KCNU1: variants seen among roughly 807,000 people sequenced by gnomAD.
KCNU1 encodes potassium calcium-activated channel subfamily U member 1, also known as potassium channel subfamily U member 1.
In KCNU1, 93 loss-of-function variants were observed where a neutral mutation model predicts 126.8. The observed-to-expected ratio is 0.73, with a 90% CI of 0.62 to 0.87. KCNU1 has a LOEUF of 0.87. Ranked by LOEUF, KCNU1 falls within the 40% of genes least tolerant of loss-of-function variation. The pLI is 0.00. For missense variants in KCNU1, 1,330 were observed against 1,367.1 expected (o/e 0.97, Z 0.43); for synonymous variants, 523 against 494.2 (o/e 1.06, Z -0.77).
intron 10 of KCNU1, among the ~76,000 whole-genome samples, chr8:36,822,252 A>T (rs1206703811): frequency 6.6e-6 from 1 of 152,094 alleles, no homozygotes; most frequent in Non-Finnish European, 1.5e-5. Context: ...ATATGTATCA[A>T]ACATATATAC....
At chr8:36,885,650 G>T (rs918758298) in intron 19 of KCNU1, among the ~76,000 whole-genome samples, 7 of 152,012 alleles carry the variant, frequency 4.6e-5, no homozygotes, top group Non-Finnish European at 1.0e-4. Flanking sequence ...AAAATTAACT[G>T]GTCATGGTGG....
At chr8:36,809,160 G>T (rs963247378) in intron 7 of KCNU1, among the ~76,000 whole-genome samples, 1 of 152,156 alleles carries the variant, frequency 6.6e-6, no homozygotes, top group African/African-American at 2.4e-5. Flanking sequence ...ACTTATAAAT[G>T]CTGGAGACTT....
At chr8:36,833,762 A>G (rs1327527636) in intron 11 of KCNU1, 103 bp downstream of exon 11, 5 of 635,802 alleles carry the variant, frequency 7.9e-6, no homozygotes, top group Non-Finnish European at 1.4e-5. Context: ...CAGCTTCTTT[A>G]ATTGGTGGAA....
At chr8:36,840,630 A>G in intron 15 of KCNU1, 55 bp downstream of exon 15, 1 of 1,017,804 alleles carries the variant, frequency 9.8e-7, no homozygotes, top group South Asian at 1.3e-5. Context: ...TCTTTCAACA[A>G]CGTTCACTGA....
At chr8:36,797,145 G>C (rs1434708758) in intron 2 of KCNU1, among the ~76,000 whole-genome samples, 1 of 152,050 alleles carries the variant, frequency 6.6e-6, no homozygotes, top group Non-Finnish European at 1.5e-5. Context: ...AATCTTGAGT[G>C]AGTTAATTTT....
chr8:36,921,675 AAAAAAG>A (rs1193966571), intron 23 of KCNU1, among the ~76,000 whole-genome samples: 1 of 151,592 alleles, frequency 6.6e-6, no homozygotes, highest in African/African-American at 2.4e-5. Context: ...AAAAAAAAAA[AAAAAAG>A]AAGAGTCTAG....
intron 5 of KCNU1, 55 bp downstream of exon 5, chr8:36,806,435 C>A: frequency 1.1e-6 from 1 of 875,384 alleles, no homozygotes; most frequent in Non-Finnish European, 1.8e-6. Flanking sequence ...AAAAACTCAA[C>A]ATTCATTTGT....
intron 2 of KCNU1, among the ~76,000 whole-genome samples, chr8:36,790,132 T>C (rs1802853479): frequency 6.6e-6 from 1 of 152,172 alleles, no homozygotes; most frequent in South Asian, 2.1e-4. Context: ...AAAATGATGG[T>C]AGAAATTAGG....
chr8:36,868,690 G>T (rs2117354915), intron 19 of KCNU1, among the ~76,000 whole-genome samples: 1 of 152,202 alleles, frequency 6.6e-6, no homozygotes, highest in East Asian at 1.9e-4. Context: ...ATAAACAGCA[G>T]TTATGTTGTC....
chr8:36,903,849 G>A (rs1468617618), intron 19 of KCNU1, among the ~76,000 whole-genome samples: 1 of 152,146 alleles, frequency 6.6e-6, no homozygotes, highest in East Asian at 1.9e-4. Flanking sequence ...GCAGGAAGGA[G>A]AAGTGCAAAG....
At chr8:36,785,036 C>T (rs549975317) in intron 1 of KCNU1, among the ~76,000 whole-genome samples, 9 of 152,168 alleles carry the variant, frequency 5.9e-5, no homozygotes, top group East Asian at 3.8e-4. Flanking sequence ...TATGTACTGA[C>T]GTGTACATTG....
intron 12 of KCNU1, among the ~76,000 whole-genome samples, chr8:36,836,055 C>G (rs1328365236): frequency 6.6e-6 from 1 of 152,156 alleles, no homozygotes; most frequent in African/African-American, 2.4e-5. Flanking sequence ...CAGAAGAACA[C>G]AGTCTTCTAA....
At chr8:36,933,455 C>G (rs886892709) in intron 26 of KCNU1, among the ~76,000 whole-genome samples, 5 of 152,002 alleles carry the variant, frequency 3.3e-5, no homozygotes, top group African/African-American at 1.2e-4. Flanking sequence ...AGCCATGGTG[C>G]TTTTTACATA....
chr8:36,826,771 A>G (rs894190913), intron 10 of KCNU1, among the ~76,000 whole-genome samples: 9 of 152,110 alleles, frequency 5.9e-5, no homozygotes, highest in African/African-American at 1.9e-4. Context: ...GGTTTGTTAT[A>G]TAGGTAAACT....
intron 23 of KCNU1, among the ~76,000 whole-genome samples, chr8:36,921,288 G>A (rs1808334730): frequency 6.6e-6 from 1 of 152,128 alleles, no homozygotes; most frequent in Admixed American, 6.6e-5. Context: ...TTGCTCTTTA[G>A]GATAGGAACC....
chr8:36,789,682 G>T, intron 2 of KCNU1, among the ~76,000 whole-genome samples: 1 of 152,172 alleles, frequency 6.6e-6, no homozygotes. Flanking sequence ...AAATATGAGT[G>T]AAGTGTTTGT....
intron 9 of KCNU1, among the ~76,000 whole-genome samples, chr8:36,816,961 AC>A (rs1262667909): frequency 2.0e-5 from 3 of 152,140 alleles, no homozygotes; most frequent in Admixed American, 6.5e-5. Context: ...AACAACAACA[AC>A]AACAAAAAAC....
intron 4 of KCNU1, 53 bp downstream of exon 4, chr8:36,805,338 T>C (rs1803458533): frequency 2.9e-6 from 3 of 1,036,864 alleles, no homozygotes; most frequent in African/African-American, 3.1e-5. Flanking sequence ...AGGCACAACA[T>C]ACAGAGAACT....
At chr8:36,886,187 A>G (rs1806694662) in intron 19 of KCNU1, among the ~76,000 whole-genome samples, 2 of 152,200 alleles carry the variant, frequency 1.3e-5, no homozygotes, top group South Asian at 2.1e-4. Flanking sequence ...AAGCAATGAC[A>G]CTAGAGGAAT....
Sources: gnomAD v4.1 joint callset for allele counts (sites outside exome capture counted in the v4.1 genomes callset) on GRCh38, gnomAD v4.1.1 for gene constraint, MANE v1.5 for transcripts, NCBI Gene and HGNC (gene_info 2026-07-23, HGNC 2026-07-21) for gene names.